The following MAP4K4 variants were observed in gnomAD, a reference collection of about 807,000 sequenced individuals.
MAP4K4 encodes mitogen-activated protein kinase kinase kinase kinase 4, also known as HPK/GCK-like kinase HGK.
MAP4K4 carries 38 observed loss-of-function variants against 189.6 expected under a neutral mutation model. The observed-to-expected ratio is 0.20, with a 90% CI of 0.15 to 0.26. The LOEUF is 0.26. Among genes scored for constraint, MAP4K4 ranks in the 10% least tolerant of loss-of-function variants. The probability of loss-of-function intolerance (pLI) is 1.00; values close to 1 mark genes in which losing one functional copy is unlikely to be tolerated. For synonymous variants in MAP4K4, 610 were observed against 624.3 expected, an observed-to-expected ratio of 0.98 and a Z score of 0.34; for missense variants, 1,054 against 1,726.9, an observed-to-expected ratio of 0.61 and a Z score of 6.91.
intron 3 of MAP4K4, among the ~76,000 whole-genome samples, chr2:101,792,597 T>TCTTCTC (rs778707107): frequency 6.9e-6 from 1 of 144,838 alleles, no homozygotes; most frequent in Non-Finnish European, 1.5e-5. Flanking sequence ...TTCTCCTCCT[T>TCTTCTC]CTCCTCCTCC....
chr2:101,803,927 C>G (rs1303844571), intron 3 of MAP4K4, among the ~76,000 whole-genome samples: 1 of 152,148 alleles, frequency 6.6e-6, no homozygotes, highest in Non-Finnish European at 1.5e-5. Context: ...TGGGTTTGAT[C>G]TAAAATGGGA....
intron 2 of MAP4K4, among the ~76,000 whole-genome samples, chr2:101,737,461 A>ATTT (rs1173208424): frequency 5.8e-4 from 15 of 26,004 alleles, no homozygotes; most frequent in Non-Finnish European, 9.1e-4. Flanking sequence ...ATATATATAT[A>ATTT]TTTTTTTTTT....
intron 3 of MAP4K4, among the ~76,000 whole-genome samples, chr2:101,793,541 C>T (rs2093280435): frequency 6.9e-6 from 1 of 145,364 alleles, no homozygotes; most frequent in African/African-American, 2.6e-5. Context: ...GGAGCGGGTT[C>T]TCTTGATGAG....
intron 2 of MAP4K4, among the ~76,000 whole-genome samples, chr2:101,784,179 A>C (rs773136352): frequency 6.6e-6 from 1 of 152,086 alleles, no homozygotes; most frequent in South Asian, 2.1e-4. Flanking sequence ...TGCACATCCT[A>C]TGAAAGCAGA....
chr2:101,826,428 G>A (rs1228366519), intron 5 of MAP4K4, among the ~76,000 whole-genome samples: 1 of 152,098 alleles, frequency 6.6e-6, no homozygotes, highest in East Asian at 1.9e-4. Context: ...TGTGAAGGGT[G>A]GGGTAGGGTG....
At chr2:101,835,766 G>A (rs1322884992) in intron 8 of MAP4K4, 134 bp from the exon 9 acceptor site, 1 of 605,710 alleles carries the variant, frequency 1.7e-6, no homozygotes, top group African/African-American at 1.8e-5. Context: ...ATAACTAGAT[G>A]TCTAGACTGC....
chr2:101,879,792 A>G (rs1169137767), intron 27 of MAP4K4, among the ~76,000 whole-genome samples: 1 of 149,246 alleles, frequency 6.7e-6, no homozygotes, highest in Non-Finnish European at 1.5e-5. Context: ...CTGATTTTAT[A>G]TAATGGTAAA....
At chr2:101,803,061 C>T (rs968459146) in intron 3 of MAP4K4, among the ~76,000 whole-genome samples, 2 of 152,244 alleles carry the variant, frequency 1.3e-5, no homozygotes, top group Admixed American at 6.5e-5. Flanking sequence ...GCTGGGGTTA[C>T]AGGCGTCAGC....
At chr2:101,866,600 T>C (rs754341607) in intron 19 of MAP4K4, 21 bp downstream of exon 19, 4 of 1,601,356 alleles carry the variant, frequency 2.5e-6, no homozygotes, top group South Asian at 1.1e-5. Context: ...TTTCCTTTCC[T>C]TTTTCCCTGC....
intron 3 of MAP4K4, among the ~76,000 whole-genome samples, chr2:101,793,665 C>G (rs926422141): frequency 6.7e-6 from 1 of 150,140 alleles, no homozygotes; most frequent in African/African-American, 2.5e-5. Flanking sequence ...TTGGTTCTGA[C>G]TCTTTAGGTG....
At chr2:101,817,469 A>G (rs147178546) in intron 3 of MAP4K4, among the ~76,000 whole-genome samples, 7 of 152,302 alleles carry the variant, frequency 4.6e-5, no homozygotes, top group African/African-American at 1.7e-4. Context: ...AATGAACTAT[A>G]TTCACCATCT....
chr2:101,830,071 C>G lies in MAP4K4; in HGVS notation c.508+477C>G, dbSNP rs12470012. ...TTGCATGACTATTTCCCATTGGGAA[C>G]ACTTGACTTCAGTTTTGAAGTCACA... is the stretch of plus-strand genomic sequence containing the variant. On this transcript the variant is annotated intron_variant, in intron 6 of 32. Transcript: ENST00000324219. Among the ~76,000 whole-genome samples the G allele has an allele frequency of 9.8e-4, 149 of 152,220 alleles. 2 individuals carry two copies. Among genetic ancestry groups the G allele is most frequent in the Admixed American group, 9.0e-3 (137 of 15,286 alleles).
chr2:101,845,188 TA>T lies in MAP4K4; in HGVS notation c.1233+888del, dbSNP rs368024008. 1.1e-4 allele frequency among the ~76,000 whole-genome samples: 16 copies of T among 142,624 alleles called. No homozygotes were observed. In the East Asian group the frequency reaches 2.3e-3, roughly 20 times the overall value. The allele number at this position is 142,624 out of a possible 152,430, so 93.6% of individuals were successfully genotyped here. On this transcript the variant is annotated intron_variant, in intron 12 of 32. Coordinates refer to ENST00000324219, the Ensembl canonical transcript of MAP4K4. ...GTTTAAGCCAAAAAAAAAATAAAAATAAAAAAAAAAACCGAACACACACGCA... is the reference window on the plus strand; with the variant it reads ...GTTTAAGCCAAAAAAAAAATAAAAATAAAAAAAAAACCGAACACACACGCA...
chr2:101,736,123 TG>T (rs1419047615), intron 2 of MAP4K4, among the ~76,000 whole-genome samples: 1 of 152,206 alleles, frequency 6.6e-6, no homozygotes, highest in East Asian at 1.9e-4. Context: ...GCTTCCCACT[TG>T]TTTTTACACA....
At chr2:101,730,341 G>T (rs573914763) in intron 2 of MAP4K4, among the ~76,000 whole-genome samples, 2 of 152,138 alleles carry the variant, frequency 1.3e-5, no homozygotes, top group African/African-American at 4.8e-5. Context: ...AGCTCCCCAC[G>T]ACTGGAAACT....
chr2:101,730,706 T>C (rs1170889292), intron 2 of MAP4K4, among the ~76,000 whole-genome samples: 4 of 152,198 alleles, frequency 2.6e-5, no homozygotes, highest in Non-Finnish European at 5.9e-5. Flanking sequence ...TTAAGACTAT[T>C]ACAAATCCTT....
chr2:101,848,863 C>T (rs1481535727), intron 12 of MAP4K4, among the ~76,000 whole-genome samples: 3 of 152,042 alleles, frequency 2.0e-5, no homozygotes, highest in Non-Finnish European at 4.4e-5. Context: ...GTTTGTCTCC[C>T]GGTTTTGCTG....
chr2:101,872,718 T>C (rs1247670918), intron 24 of MAP4K4, among the ~76,000 whole-genome samples: 1 of 151,986 alleles, frequency 6.6e-6, no homozygotes, highest in Non-Finnish European at 1.5e-5. Flanking sequence ...GTGGGAAGCT[T>C]AGGGGAGGGC....
chr2:101,741,762 G>A lies in MAP4K4; in HGVS notation c.123+43224G>A, dbSNP rs540556133. Reference sequence around the variant, plus strand: ...TAGGCTTTGGGCCAGCAGGCCCTGGGTTTGAGTCCCTTTTCTAGCATTTAC... The same window carrying A: ...TAGGCTTTGGGCCAGCAGGCCCTGGATTTGAGTCCCTTTTCTAGCATTTAC... On this transcript the variant is annotated intron_variant, in intron 2 of 32. Transcript: ENST00000324219. Among the ~76,000 whole-genome samples, 21 of 152,300 alleles carry A rather than the reference G, an allele frequency of 1.4e-4. No individual in the cohort carries two copies. In the South Asian group the frequency reaches 1.9e-3, roughly 14 times the overall value.
Sources: allele counts gnomAD v4.1 joint callset (sites outside exome capture counted in the v4.1 genomes callset), GRCh38; gene constraint gnomAD v4.1.1; transcripts MANE v1.5; gene names NCBI Gene and HGNC (gene_info 2026-07-23, HGNC 2026-07-21).